The following CNGB1 variants were observed in gnomAD, a reference collection of about 807,000 sequenced individuals.
CNGB1 encodes the protein cyclic nucleotide gated channel subunit beta 1, also known as cyclic nucleotide-gated channel beta-1.
A neutral mutation model predicts 151.7 loss-of-function variants in CNGB1; 126 were observed. The ratio of observed to expected loss-of-function variants is 0.83; its 90% confidence interval spans 0.72 to 0.96. The LOEUF is 0.96. CNGB1 is among the 40% of genes least tolerant of loss of function. The probability of loss-of-function intolerance (pLI) is 0.00; values close to 1 mark genes in which losing one functional copy is unlikely to be tolerated. For synonymous variants in CNGB1, 623 were observed against 635.1 expected (o/e 0.98, Z 0.29); for missense variants, 1,698 against 1,627.0 (o/e 1.04, Z -0.75).
chr16:57,956,832 T>A (rs1324852532), intron 12 of CNGB1, among the ~76,000 whole-genome samples: 1 of 152,164 alleles, frequency 6.6e-6, no homozygotes, highest in African/African-American at 2.4e-5. Context: ...CAGTCCTCTG[T>A]CCCCGATTCC....
Position 57,967,166 on chromosome 16 carries a change from G to C in CNGB1, c.121C>G (p.Pro41Ala). The change falls in exon 2 of 33, where the codon CCG becomes GCG. Residue 41 changes from proline to alanine, a missense_variant. By Grantham distance (27) the Pro-to-Ala change is conservative (BLOSUM62 -1). Transcript: ENST00000251102. Reference protein sequence around the residue: ...PEMEAEVEPEPNPEEAETESE... With the variant: ...PEMEAEVEPEANPEEAETESE... ...TCTGTCTCGGCCTCCTCAGGATTCGGTTCTGGTTCCACCTCCGCCTCCATC... is the reference window on the plus strand; with the variant it reads ...TCTGTCTCGGCCTCCTCAGGATTCGCTTCTGGTTCCACCTCCGCCTCCATC... 6.2e-7 allele frequency: 1 copy of C among 1,614,178 alleles called. No homozygotes were observed. The highest frequency in any genetic ancestry group is 8.5e-7 in the Non-Finnish European group (1 of 1,180,044).
Position 57,924,683 on chromosome 16 carries a change from T to C in CNGB1, c.1536-1303A>G, listed in dbSNP as rs141032295. 4.9e-3 allele frequency among the ~76,000 whole-genome samples: 753 copies of C among 152,240 alleles called. 8 individuals are homozygous for C. Among genetic ancestry groups the C allele is most frequent in the African/African-American group, 0.017 (719 of 41,534 alleles). ...TGACCGCACCAAATCTCATGTTGAA[T>C]TGTAATCCCCAGTGTTGGCGGTGGG... On this transcript the variant is annotated intron_variant, in intron 17 of 32. Transcript: ENST00000251102.
chr16:57,960,615 C>T, intron 8 of CNGB1, 85 bp from the exon 9 acceptor site: 1 of 1,561,608 alleles, frequency 6.4e-7, no homozygotes, highest in Non-Finnish European at 8.7e-7. Context: ...GTGTCCTGGC[C>T]CAAGGCGGGT....
chr16:57,931,762 T>C lies in CNGB1; in HGVS notation c.1489A>G (p.Lys497Glu), dbSNP rs1283004536. The change falls in exon 17 of 33, where the codon AAA becomes GAA. Residue 497 changes from lysine to glutamate, a missense_variant. By Grantham distance (56) the Lys-to-Glu change is moderately conservative. Coordinates refer to ENST00000251102, the MANE Select transcript of CNGB1 (RefSeq NM_001297.5). ...STVLPPPSPAKSDTLIVPSSA... is the reference protein window; with the variant it reads ...STVLPPPSPAESDTLIVPSSA... Reference sequence around the variant, plus strand: ...CTTGGGACTATAAGGGTGTCTGATTTGGCAGGAGACGGTGGCGGCAACACG... The same window carrying C: ...CTTGGGACTATAAGGGTGTCTGATTCGGCAGGAGACGGTGGCGGCAACACG... The C allele has an allele frequency of 6.2e-7, 1 of 1,614,162 alleles. No homozygotes were observed. Among genetic ancestry groups the C allele is most frequent in the East Asian group, 2.2e-5 (1 of 44,868 alleles).
rs1962196737 is a variant in CNGB1, at chr16:57,959,957, G to T, written c.692C>A (p.Pro231Gln). ...LQPKEEPKEA[P>Q]APEPQPGSQA... ...GGAGCCGGGCTGGGGCTCTGGAGCT[G>T]GTGCCTCCTTGGGTTCCTCCTTGGG... The change falls in exon 10 of 33, where the codon CCA becomes CAA. Residue 231 changes from proline (P) to glutamine (Q), a missense_variant. Pro to Gln is a moderately conservative substitution (Grantham distance 76). Coordinates refer to ENST00000251102, the MANE Select transcript of CNGB1 (RefSeq NM_001297.5). 1.9e-6 allele frequency: 3 copies of T among 1,590,266 alleles called. No individual in the cohort carries two copies. Among genetic ancestry groups the T allele is most frequent in the Non-Finnish European group, 2.6e-6 (3 of 1,167,092 alleles).
chr16:57,931,813 T>C lies in CNGB1; in HGVS notation c.1438A>G (p.Met480Val), dbSNP rs541893675. ...GTTGAGGGTGGATTCTCTTCTGCCA[T>C]GAGGGGGCAGCTATCAGCATCAGTA... ...EDTDADSCPLMAEENPPSTVL... is the reference protein window; with the variant it reads ...EDTDADSCPLVAEENPPSTVL... The change falls in exon 17 of 33, where the codon ATG becomes GTG. Residue 480 changes from methionine to valine, a missense_variant. By Grantham distance (21) the Met-to-Val change is conservative. Coordinates refer to ENST00000251102, the MANE Select transcript of CNGB1 (RefSeq NM_001297.5). 1.4e-5 allele frequency: 22 copies of C among 1,614,112 alleles called. No individual in the cohort carries two copies. Among genetic ancestry groups the C allele is most frequent in the Non-Finnish European group, 1.9e-5 (22 of 1,180,020 alleles).
chr16:57,908,923 C>T (rs1191354419), intron 25 of CNGB1, among the ~76,000 whole-genome samples: 2 of 152,236 alleles, frequency 1.3e-5, no homozygotes, highest in Admixed American at 6.5e-5. Context: ...CCTCCCTCTG[C>T]TCACTCTCCT....
chr16:57,912,558 G>A (rs1219352558), intron 24 of CNGB1, among the ~76,000 whole-genome samples: 5 of 151,880 alleles, frequency 3.3e-5, no homozygotes, highest in African/African-American at 1.2e-4. Flanking sequence ...TGTTCTAGGT[G>A]CAAACTTCCT....
intron 11 of CNGB1, 85 bp downstream of exon 11, chr16:57,958,325 G>GGGACACA (rs147036428): frequency 6.9e-6 from 8 of 1,151,762 alleles, no homozygotes; most frequent in Non-Finnish European, 9.1e-6. Context: ...TTCTGCCACA[G>GGGACACA]GGCCAACCAT....
At chr16:57,914,383 G>A (rs1243309669) in intron 23 of CNGB1, among the ~76,000 whole-genome samples, 1 of 152,204 alleles carries the variant, frequency 6.6e-6, no homozygotes, top group East Asian at 1.9e-4. Context: ...AAGCTCAGAG[G>A]CAGCTTCCAT....
intron 12 of CNGB1, among the ~76,000 whole-genome samples, chr16:57,951,792 C>T (rs1024960578): frequency 6.6e-6 from 1 of 152,200 alleles, no homozygotes; most frequent in Admixed American, 6.5e-5. Flanking sequence ...AACTGAGACA[C>T]AGATAAATAC....
At chr16:57,931,936 G>C in intron 16 of CNGB1, 58 bp from the exon 17 acceptor site, 1 of 1,575,272 alleles carries the variant, frequency 6.3e-7, no homozygotes, top group Admixed American at 1.7e-5. Context: ...GGTCCCAGGA[G>C]TCCAGCTGTG....
intron 16 of CNGB1, among the ~76,000 whole-genome samples, chr16:57,933,093 T>C (rs1961402749): frequency 6.6e-6 from 1 of 151,978 alleles, no homozygotes; most frequent in African/African-American, 2.4e-5. Flanking sequence ...CATGCTCGGC[T>C]AATTTTTGTG....
At chr16:57,926,323 T>C (rs1961188150) in intron 17 of CNGB1, among the ~76,000 whole-genome samples, 1 of 152,014 alleles carries the variant, frequency 6.6e-6, no homozygotes, top group African/African-American at 2.4e-5. Flanking sequence ...GGGGCAGGGG[T>C]CACTGAGGCC....
rs746307286 is a variant in CNGB1, at chr16:57,962,982, G to T, written c.373C>A (p.Pro125Thr). The change falls in exon 5 of 33, where the codon CCG (proline) becomes ACG (threonine). Residue 125 changes from proline to threonine, a missense_variant. Pro to Thr is a conservative substitution (Grantham distance 38). Coordinates refer to ENST00000251102, the MANE Select transcript of CNGB1 (RefSeq NM_001297.5). ...PQPVHSITEDPAQILGHGSTG... is the reference protein window; with the variant it reads ...PQPVHSITEDTAQILGHGSTG... ...TCCAGCCCCAGCAGTACCTGAGCCG[G>T]GTCCTCCGTGATGCTGTGAACAGGC... is the stretch of plus-strand genomic sequence containing the variant. 2 of 1,613,116 alleles carry T rather than the reference G, an allele frequency of 1.2e-6. No individual in the cohort carries two copies. The highest frequency in any genetic ancestry group is 2.7e-5 in the African/African-American group (2 of 74,902).
chr16:57,915,335 T>C lies in CNGB1; in HGVS notation c.2218A>G (p.Met740Val), dbSNP rs1408157801. ...NNYLKSRRFK[M>V]DLLSLLPLDF... Reference sequence around the variant, plus strand: ...AAGGGCAGGAGGCTGAGCAGGTCCATCTGAAATCCCAGTGGGACACCATGG... The same window carrying C: ...AAGGGCAGGAGGCTGAGCAGGTCCACCTGAAATCCCAGTGGGACACCATGG... The change falls in exon 23 of 33, where the codon ATG becomes GTG. Residue 740 changes from methionine (M) to valine (V), a missense_variant and splice_region_variant. Coordinates refer to ENST00000251102, the MANE Select transcript of CNGB1 (RefSeq NM_001297.5). 4 of 1,613,350 alleles carry C rather than the reference T, an allele frequency of 2.5e-6. No homozygotes were observed. The highest frequency in any genetic ancestry group is 1.7e-5 in the Admixed American group (1 of 59,990).
At chr16:57,935,432 C>A (rs1252608275) in intron 16 of CNGB1, among the ~76,000 whole-genome samples, 2 of 152,126 alleles carry the variant, frequency 1.3e-5, no homozygotes, top group Non-Finnish European at 2.9e-5. Context: ...GTACTCCCAG[C>A]ACTTTGGGAG....
chr16:57,890,639 T>C (rs1238661207), intron 31 of CNGB1, among the ~76,000 whole-genome samples: 2 of 152,198 alleles, frequency 1.3e-5, no homozygotes, highest in Non-Finnish European at 2.9e-5. Context: ...ACATAAGACC[T>C]CTTCATCCTC....
In CNGB1 at chr16:57,920,456, G is replaced by A. The variant is rs375213691; in HGVS notation, c.1732C>T (p.Arg578Trp). 140 of 1,614,000 alleles carry A rather than the reference G, an allele frequency of 8.7e-5. No homozygotes were observed. Among genetic ancestry groups the A allele is most frequent in the African/African-American group, 1.3e-4 (10 of 74,914 alleles). Residue 578 changes from arginine (R) to tryptophan (W), a missense_variant, in exon 19 of 33, where the codon CGG (arginine) becomes TGG (tryptophan). By Grantham distance (101) the Arg-to-Trp change is moderately radical. Transcript: ENST00000251102. ...AGTTTCTCCTTCACTTTCTCTGTCC[G>A]CTCCTTGAAGAGCTTCACCAGCTCC... ...LQELVKLFKE[R>W]TEKVKEKLID... is the part of the protein sequence containing the mutation.
Sources: allele counts gnomAD v4.1 joint callset (sites outside exome capture counted in the v4.1 genomes callset), GRCh38; gene constraint gnomAD v4.1.1; transcripts MANE v1.5; gene names NCBI Gene and HGNC (gene_info 2026-07-23, HGNC 2026-07-21).